DISC1: variants seen among roughly 807,000 people sequenced by gnomAD.
DISC1 encodes the protein DISC1 scaffold protein, also known as disrupted in schizophrenia 1 protein.
Under a neutral mutation model 84.5 loss-of-function variants are expected in DISC1, and 57 were observed. The observed-to-expected ratio is 0.67, with a 90% CI of 0.55 to 0.84. DISC1 has a LOEUF of 0.84. Ranked by LOEUF, DISC1 falls within the 40% of genes least tolerant of loss-of-function variation. DISC1 has a pLI of 0.00. For missense variants in DISC1, 1,000 were observed against 1,057.8 expected (o/e 0.95, Z 0.76); for synonymous variants, 411 against 415.2 (o/e 0.99, Z 0.12).
intron 9 of DISC1, among the ~76,000 whole-genome samples, chr1:231,857,419 A>G (rs2084347697): frequency 6.6e-6 from 1 of 152,230 alleles, no homozygotes; most frequent in African/African-American, 2.4e-5. Context: ...GATAAGTGTC[A>G]TTGATGGCAC....
intron 9 of DISC1, among the ~76,000 whole-genome samples, chr1:231,915,621 A>G (rs1015164345): frequency 2.0e-5 from 3 of 152,296 alleles, no homozygotes; most frequent in Admixed American, 1.3e-4. Context: ...TACTAAAAGT[A>G]CAAAAAAATA....
At chr1:231,634,788 A>G (rs1456405260) in intron 1 of DISC1, among the ~76,000 whole-genome samples, 1 of 152,146 alleles carries the variant, frequency 6.6e-6, no homozygotes, top group African/African-American at 2.4e-5. Flanking sequence ...GTGCATGCCT[A>G]TAGTCCCAGC....
At chr1:231,955,187 G>A (rs533273277) in intron 9 of DISC1, among the ~76,000 whole-genome samples, 24 of 152,278 alleles carry the variant, frequency 1.6e-4, no homozygotes, top group South Asian at 4.1e-4. Flanking sequence ...CGTTGCGTAC[G>A]ATCAGCAAGG....
At chr1:231,846,756 T>A (rs541773508) in intron 9 of DISC1, among the ~76,000 whole-genome samples, 1 of 152,232 alleles carries the variant, frequency 6.6e-6, no homozygotes, top group Non-Finnish European at 1.5e-5. Flanking sequence ...TGTTGTTTTA[T>A]GTTTCTTAGC....
intron 9 of DISC1, among the ~76,000 whole-genome samples, chr1:231,850,044 C>A (rs1224591247): frequency 6.6e-6 from 1 of 152,148 alleles, no homozygotes; most frequent in East Asian, 1.9e-4. Context: ...CTTGAGATTT[C>A]TCTATCTTAA....
chr1:231,638,016 T>C (rs1172684570), intron 1 of DISC1, among the ~76,000 whole-genome samples: 1 of 152,232 alleles, frequency 6.6e-6, no homozygotes, highest in Non-Finnish European at 1.5e-5. Context: ...TATCTGTTAT[T>C]TTTTGACTTT....
rs372806218 is a variant in DISC1, at chr1:231,852,383, C to T, written c.1981+33866C>T. 3.2e-4 allele frequency among the ~76,000 whole-genome samples: 49 copies of T among 152,264 alleles called. 1 individual carries two copies. The South Asian group carries it at 0.01, about 32-fold the overall frequency. The stretch of plus-strand genomic sequence containing the variant: ...TATTCATTGGTTTCACTTCCCTTTG[C>T]ATTGCTAAGTAAAGGTGATATAGGA... On this transcript the variant is annotated intron_variant, in intron 9 of 12. Coordinates refer to ENST00000439617, the MANE Select transcript of DISC1 (RefSeq NM_018662.3).
intron 9 of DISC1, among the ~76,000 whole-genome samples, chr1:231,926,875 G>T (rs1452466280): frequency 1.3e-5 from 2 of 152,212 alleles, no homozygotes; most frequent in African/African-American, 4.8e-5. Flanking sequence ...AGGAAGGCCA[G>T]ATTTGAGGAA....
chr1:231,799,645 A>G (rs2079030165), intron 7 of DISC1, among the ~76,000 whole-genome samples: 2 of 151,814 alleles, frequency 1.3e-5, no homozygotes, highest in Non-Finnish European at 2.9e-5. Flanking sequence ...AAAGTGATGC[A>G]GACAGGAGGA....
chr1:231,634,811 T>C (rs2059054084), intron 1 of DISC1, among the ~76,000 whole-genome samples: 1 of 151,990 alleles, frequency 6.6e-6, no homozygotes, highest in South Asian at 2.1e-4. Flanking sequence ...CTTGGAAGGC[T>C]GGGGCGGGAG....
At chr1:231,718,069 G>A (rs745391911) in intron 3 of DISC1, among the ~76,000 whole-genome samples, 7 of 152,080 alleles carry the variant, frequency 4.6e-5, no homozygotes, top group Non-Finnish European at 1.0e-4. Context: ...CCCGGGACAT[G>A]AGCCACTACA....
chr1:231,771,304 C>G (rs1445398914), intron 6 of DISC1: 2 of 983,846 alleles, frequency 2.0e-6, no homozygotes, highest in South Asian at 4.7e-5. Context: ...GCGACCCTCC[C>G]CATTCCAATA....
chr1:231,693,943 G>T lies in DISC1; in HGVS notation c.185G>T (p.Gly62Val), dbSNP rs761231571. 2 of 1,614,180 alleles carry T rather than the reference G, an allele frequency of 1.2e-6. No individual in the cohort carries two copies. The highest frequency in any genetic ancestry group is 8.5e-7 in the Non-Finnish European group (1 of 1,180,016). Residue 62 changes from glycine to valine, a missense_variant, in exon 2 of 13, where the codon GGC becomes GTC. Transcript: ENST00000439617. ...PGIGFLSPAV[G>V]TLFRFPGGVS... is the part of the protein sequence containing the mutation. ...ATCGGGTTCCTTTCCCCAGCAGTGG[G>T]CACACTGTTCCGGTTCCCAGGAGGG... is the stretch of plus-strand genomic sequence containing the variant.
chr1:231,676,654 T>C (rs200498529), intron 1 of DISC1, among the ~76,000 whole-genome samples: 3 of 152,212 alleles, frequency 2.0e-5, no homozygotes, highest in Non-Finnish European at 2.9e-5. Flanking sequence ...CAAAGACCAG[T>C]GCAGCAATTT....
rs903789041 is a variant in DISC1 at position 231,630,011 on chromosome 1, A to G, written c.67+3077A>G. Among the ~76,000 whole-genome samples, 2 of 152,190 alleles carry G rather than the reference A, an allele frequency of 1.3e-5. No homozygotes were observed. The highest frequency in any genetic ancestry group is 4.8e-5 in the African/African-American group (2 of 41,442). On this transcript the variant is annotated intron_variant, in intron 1 of 12. Coordinates refer to ENST00000439617, the MANE Select transcript of DISC1 (RefSeq NM_018662.3). The surrounding 1 kb of genome is among the most constrained non-coding windows in gnomAD (Gnocchi z 4.4). ...CAGTGGCACGATCTCGGCTCACTGC[A>G]ACCTCTGCCTCCTGGGTTCAAGCGA...
intron 1 of DISC1, among the ~76,000 whole-genome samples, chr1:231,647,062 GTT>G (rs2060198735): frequency 6.6e-6 from 1 of 152,150 alleles, no homozygotes; most frequent in South Asian, 2.1e-4. Flanking sequence ...AAGCTCTTTA[GTT>G]TAATTAGATC....
intron 3 of DISC1, among the ~76,000 whole-genome samples, chr1:231,729,470 G>C (rs976914923): frequency 6.6e-6 from 1 of 152,182 alleles, no homozygotes; most frequent in African/African-American, 2.4e-5. Flanking sequence ...TAGAAGCATT[G>C]CTCTTTATTA....
chr1:232,016,227 A>G (rs1234804485), intron 11 of DISC1, among the ~76,000 whole-genome samples: 1 of 152,230 alleles, frequency 6.6e-6, no homozygotes, highest in Non-Finnish European at 1.5e-5. Flanking sequence ...TTTTACTATA[A>G]AGTGAACATG....
chr1:231,711,776 T>C (rs1476438843), intron 3 of DISC1, among the ~76,000 whole-genome samples: 3 of 152,206 alleles, frequency 2.0e-5, no homozygotes, highest in African/African-American at 7.2e-5. Flanking sequence ...AGAACTAACA[T>C]GTTCTTCACT....
Sources: gnomAD v4.1 joint callset for allele counts (sites outside exome capture counted in the v4.1 genomes callset) on GRCh38, gnomAD v4.1.1 for gene constraint, Gnocchi (gnomAD v3.1) non-coding constraint, MANE v1.5 for transcripts, NCBI Gene and HGNC (gene_info 2026-07-23, HGNC 2026-07-21) for gene names.